SLC45A1: variants seen among roughly 807,000 people sequenced by gnomAD.
The protein encoded by SLC45A1 is proton-associated sugar transporter A.
In SLC45A1, 28 loss-of-function variants were observed where a neutral mutation model predicts 57.6. The observed-to-expected ratio is 0.49, with a 90% confidence interval of 0.36 to 0.67. The LOEUF (loss-of-function observed/expected upper bound fraction) is 0.67. Ranked by LOEUF, SLC45A1 falls within the 30% of genes least tolerant of loss-of-function variation. The pLI is 0.00. For synonymous variants in SLC45A1, 459 were observed against 471.5 expected (o/e 0.97, Z 0.34); for missense variants, 814 against 1,041.5 (o/e 0.78, Z 3.01).
rs1041999850 is a variant in SLC45A1 at position 8,336,281 on chromosome 1, G to A, written c.1597+691G>A. ...AAAAATTAGCTGGGCATGGTGGTGCGTGCCTGTAATCCCAGCTACTTGGGA... is the reference window on the plus strand; with the variant it reads ...AAAAATTAGCTGGGCATGGTGGTGCATGCCTGTAATCCCAGCTACTTGGGA... On this transcript the variant is annotated intron_variant, in intron 6 of 8. Coordinates refer to ENST00000471889, the MANE Select transcript of SLC45A1 (RefSeq NM_001080397.3). Among the ~76,000 whole-genome samples the A allele has an allele frequency of 7.9e-5, 12 of 152,112 alleles. No homozygotes were observed. The South Asian group carries it at 8.3e-4, about 11-fold the overall frequency.
chr1:8,326,075 T>G lies in SLC45A1; in HGVS notation c.715+33T>G, dbSNP rs1402802951. 10 of 1,564,998 alleles carry G rather than the reference T, an allele frequency of 6.4e-6. No individual in the cohort carries two copies. In the East Asian group the frequency reaches 2.2e-4, roughly 35 times the overall value. On this transcript the variant is annotated intron_variant, in intron 4 of 8. Transcript: ENST00000471889. The surrounding 1 kb of genome is among the most constrained non-coding windows in gnomAD (Gnocchi z 5.5). ...TCCGCAGCAGGGCCGAAGCTGAATCTGCCGGGCTGCAGGCTTCAGACGTGT... is the reference window on the plus strand; with the variant it reads ...TCCGCAGCAGGGCCGAAGCTGAATCGGCCGGGCTGCAGGCTTCAGACGTGT...
chr1:8,318,321 G>T (rs2124276124), intron 1 of SLC45A1, 135 bp downstream of exon 1: 1 of 394,080 alleles, frequency 2.5e-6, no homozygotes, highest in East Asian at 3.6e-5. Context: ...TGTTCCTCGT[G>T]GAAGTCTCAT....
Position 8,330,454 on chromosome 1 carries a change from G to C in SLC45A1, c.961G>C (p.Gly321Arg). The change falls in exon 5 of 9, where the codon GGC (glycine) becomes CGC (arginine). Residue 321 changes from glycine (G) to arginine (R), a missense_variant. Transcript: ENST00000471889. This position sits in a 1 kb window ranked among gnomAD's most constrained non-coding sequence, Gnocchi z 8.4. ...GTCCCCACCCGTCCTGCCAGAGGAA[G>C]GCCCTGGCGACAGCCTCCCGTCGCA... ...PPSPPVLPEE[G>R]PGDSLPSHTA... 6.2e-7 allele frequency: 1 copy of C among 1,611,916 alleles called. No individual in the cohort carries two copies. The highest frequency in any genetic ancestry group is 1.1e-5 in the South Asian group (1 of 91,026).
At chr1:8,338,271 G>A (rs1475158538) in intron 7 of SLC45A1, among the ~76,000 whole-genome samples, 1 of 152,234 alleles carries the variant, frequency 6.6e-6, no homozygotes, top group Non-Finnish European at 1.5e-5. Flanking sequence ...AGGGCGAAGT[G>A]GGGGGCCCTG....
intron 1 of SLC45A1, among the ~76,000 whole-genome samples, chr1:8,321,824 G>A (rs1294012649): frequency 6.6e-6 from 1 of 151,312 alleles, no homozygotes; most frequent in East Asian, 1.9e-4. Context: ...AGATGACTGA[G>A]TGGAAAGATG....
intron 1 of SLC45A1, among the ~76,000 whole-genome samples, chr1:8,321,636 G>A (rs968650616): frequency 2.6e-5 from 4 of 152,200 alleles, no homozygotes; most frequent in Admixed American, 1.3e-4. Flanking sequence ...TGAATTGGAG[G>A]CTGGGTAGGT....
rs1384393788 is a variant in SLC45A1, at chr1:8,327,746, T to C, written c.715+1704T>C. ...AAAAAATTCCATTTAAAATAGCAACTGGGGCTGGGCGTGGTGGCTCATGCC... is the reference window on the plus strand; with the variant it reads ...AAAAAATTCCATTTAAAATAGCAACCGGGGCTGGGCGTGGTGGCTCATGCC... On this transcript the variant is annotated intron_variant, in intron 4 of 8. Transcript: ENST00000471889. The surrounding 1 kb of genome is among the most constrained non-coding windows in gnomAD (Gnocchi z 4.3). 2.6e-5 allele frequency among the ~76,000 whole-genome samples: 4 copies of C among 152,154 alleles called. No homozygotes were observed. Among genetic ancestry groups the C allele is most frequent in the Non-Finnish European group, 5.9e-5 (4 of 68,012 alleles).
At chr1:8,333,550 C>G (rs1446773729) in intron 5 of SLC45A1, among the ~76,000 whole-genome samples, 1 of 152,226 alleles carries the variant, frequency 6.6e-6, no homozygotes, top group African/African-American at 2.4e-5. Flanking sequence ...ATCCTCCCAT[C>G]TCAGCCTCCT....
chr1:8,342,573 G>T (rs1312122528), intron 8 of SLC45A1, among the ~76,000 whole-genome samples: 3 of 152,164 alleles, frequency 2.0e-5, no homozygotes, highest in African/African-American at 7.2e-5. Flanking sequence ...TGGGCTTCGA[G>T]CTCCATCTGT....
Position 8,325,954 on chromosome 1 carries a change from G to A in SLC45A1, c.627G>A (p.Ser209=), listed in dbSNP as rs375786666. ...GVVLMDFSAD[S]ADNPSHAYMM... is the part of the protein sequence containing the mutation. ...TGCTGATGGACTTTAGCGCCGACTC[G>A]GCGGACAACCCCAGCCACGCCTACA... The change falls in exon 4 of 9, where the codon TCG becomes TCA. Residue 209 remains serine (S), a synonymous_variant. Coordinates refer to ENST00000471889, the MANE Select transcript of SLC45A1 (RefSeq NM_001080397.3). This position sits in a 1 kb window ranked among gnomAD's most constrained non-coding sequence, Gnocchi z 6.3. 1.7e-5 allele frequency: 28 copies of A among 1,613,226 alleles called. No homozygotes were observed. Among genetic ancestry groups the A allele is most frequent in the Admixed American group, 3.3e-5 (2 of 60,006 alleles).
At chr1:8,318,960 A>G (rs1639907623) in intron 1 of SLC45A1, among the ~76,000 whole-genome samples, 1 of 152,184 alleles carries the variant, frequency 6.6e-6, no homozygotes, top group East Asian at 1.9e-4. Flanking sequence ...GGAGGACCTC[A>G]CTGAAGAATT....
intron 8 of SLC45A1, among the ~76,000 whole-genome samples, chr1:8,342,907 A>AAG (rs1202817754): frequency 6.6e-6 from 1 of 151,298 alleles, no homozygotes; most frequent in Non-Finnish European, 1.5e-5. Context: ...TCAAAAAAAA[A>AAG]AAAAAGAAAA....
intron 8 of SLC45A1, among the ~76,000 whole-genome samples, chr1:8,340,282 C>T (rs1408100971): frequency 6.6e-6 from 1 of 151,798 alleles, no homozygotes; most frequent in African/African-American, 2.4e-5. Context: ...CCTGCCTCAG[C>T]CTCCCGAGTA....
In SLC45A1 at chr1:8,343,949, T is replaced by C; in HGVS notation, c.2183T>C (p.Ile728Thr). 1 of 1,613,960 alleles carries C rather than the reference T, an allele frequency of 6.2e-7. No individual in the cohort carries two copies. The highest frequency in any genetic ancestry group is 1.1e-5 in the South Asian group (1 of 91,068). The change falls in exon 9 of 9, where the codon ATT (isoleucine) becomes ACT (threonine). Residue 728 changes from isoleucine to threonine, a missense_variant. Ile to Thr is a moderately conservative substitution (Grantham distance 89). Coordinates refer to ENST00000471889, the MANE Select transcript of SLC45A1 (RefSeq NM_001080397.3). This position sits in a 1 kb window ranked among gnomAD's most constrained non-coding sequence, Gnocchi z 7.7. Reference protein sequence around the residue: ...LGCLYSSLFVIYEIPPSDAAD... With the variant: ...LGCLYSSLFVTYEIPPSDAAD... ...TGCCTGTACTCCTCCCTGTTTGTCA[T>C]TTATGAAATTCCTCCCAGCGACGCT...
In SLC45A1 at chr1:8,344,072, C is replaced by G; in HGVS notation, c.*59C>G. 6.6e-7 allele frequency: 1 copy of G among 1,508,242 alleles called. No individual in the cohort carries two copies. Among genetic ancestry groups the G allele is most frequent in the Non-Finnish European group, 9.0e-7 (1 of 1,117,192 alleles). The allele number at this position is 1,508,242 out of a possible 1,614,324, so 93.4% of individuals were successfully genotyped here. On this transcript the variant is annotated 3_prime_UTR_variant, in exon 9 of 9. Transcript: ENST00000471889. ...CACCTGGGGGTCTGGAGCAGGCCGA[C>G]CAGTGAGGACCAAAGGGCCTTGTTG... is the stretch of plus-strand genomic sequence containing the variant.
intron 1 of SLC45A1, 93 bp from the exon 2 acceptor site, chr1:8,324,213 T>C: frequency 8.5e-7 from 1 of 1,176,204 alleles, no homozygotes; most frequent in South Asian, 1.4e-5. Context: ...GGGGATGGTG[T>C]TTGACTCTAA....
chr1:8,343,880 C>T lies in SLC45A1; in HGVS notation c.2114C>T (p.Ala705Val), dbSNP rs200748327. 3.1e-6 allele frequency: 5 copies of T among 1,614,140 alleles called. No individual in the cohort carries two copies. Among genetic ancestry groups the T allele is most frequent in the Non-Finnish European group, 4.2e-6 (5 of 1,180,022 alleles). The change falls in exon 9 of 9, where the codon GCC becomes GTC. Residue 705 changes from alanine to valine, a missense_variant. By Grantham distance (64) the Ala-to-Val change is moderately conservative (BLOSUM62 0). Coordinates refer to ENST00000471889, the MANE Select transcript of SLC45A1 (RefSeq NM_001080397.3). This position sits in a 1 kb window ranked among gnomAD's most constrained non-coding sequence, Gnocchi z 7.7. ...LGPLTSAVGSANGVMYFSSLV... is the reference protein window; with the variant it reads ...LGPLTSAVGSVNGVMYFSSLV... ...CCCCTGACCTCGGCCGTGGGCAGTG[C>T]CAACGGGGTGATGTACTTCTCCAGC...
Position 8,330,282 on chromosome 1 carries a change from G to A in SLC45A1, c.789G>A (p.Gly263=). The A allele has an allele frequency of 6.2e-7, 1 of 1,613,888 alleles. No homozygotes were observed. Among genetic ancestry groups the A allele is most frequent in the Non-Finnish European group, 8.5e-7 (1 of 1,179,992 alleles). The stretch of plus-strand genomic sequence containing the variant: ...AAACGGGCTTCGGGAGGGCCCTGGG[G>A]GGACAGCTCCGAGTCATTTACCTCT... ...WDKTGFGRAL[G]GQLRVIYLFT... The change falls in exon 5 of 9, where the codon GGG becomes GGA. Residue 263 remains glycine (G), a synonymous_variant. Coordinates refer to ENST00000471889, the MANE Select transcript of SLC45A1 (RefSeq NM_001080397.3). This position sits in a 1 kb window ranked among gnomAD's most constrained non-coding sequence, Gnocchi z 8.4.
chr1:8,322,031 GTGAGTGGGTGGGTGGGTGGATGGA>G (rs1640029690), intron 1 of SLC45A1, among the ~76,000 whole-genome samples: 1 of 46,772 alleles, frequency 2.1e-5, no homozygotes, highest in Non-Finnish European at 4.6e-5. Context: ...GGATGGATGG[GTGAGTGGGTGGGTGGGTGGATGGA>G]TGGATGGGTG....
Sources: gnomAD v4.1 joint callset for allele counts (sites outside exome capture counted in the v4.1 genomes callset) on GRCh38, gnomAD v4.1.1 for gene constraint, Gnocchi (gnomAD v3.1) non-coding constraint, MANE v1.5 for transcripts, NCBI Gene and HGNC (gene_info 2026-07-23, HGNC 2026-07-21) for gene names.